The following AP3B1 variants were observed in gnomAD, a reference collection of about 807,000 sequenced individuals.
The protein encoded by AP3B1 is adaptor related protein complex 3 subunit beta 1.
A neutral mutation model predicts 132.5 loss-of-function variants in AP3B1; 61 were observed. That is an observed-to-expected ratio of 0.46 (90% CI 0.37 to 0.57). The LOEUF is 0.57. Ranked by LOEUF, AP3B1 falls within the 20% of genes least tolerant of loss-of-function variation. AP3B1 has a pLI of 0.00. For synonymous variants in AP3B1, 388 were observed against 438.3 expected, an observed-to-expected ratio of 0.89 and a Z score of 1.43; for missense variants, 1,120 against 1,289.4, an observed-to-expected ratio of 0.87 and a Z score of 2.01.
chr5:78,040,988 C>T (rs1748056040), intron 22 of AP3B1, among the ~76,000 whole-genome samples: 1 of 152,122 alleles, frequency 6.6e-6, no homozygotes. Context: ...ATAATCATCA[C>T]CTCTGGCCAG....
intron 17 of AP3B1, among the ~76,000 whole-genome samples, chr5:78,121,278 A>G (rs938061908): frequency 1.2e-4 from 19 of 152,190 alleles, no homozygotes; most frequent in African/African-American, 4.3e-4. Flanking sequence ...ATCACAATTA[A>G]AAGAACTAGA....
intron 16 of AP3B1, among the ~76,000 whole-genome samples, chr5:78,128,362 C>G (rs1752553775): frequency 1.3e-5 from 2 of 152,068 alleles, no homozygotes; most frequent in African/African-American, 4.8e-5. Context: ...AATAAAAAAG[C>G]TAATCAGTCA....
At chr5:78,281,978 C>T (rs960381598) in intron 1 of AP3B1, among the ~76,000 whole-genome samples, 1 of 152,116 alleles carries the variant, frequency 6.6e-6, no homozygotes, top group Non-Finnish European at 1.5e-5. Context: ...AGAGAAACTA[C>T]TCTAAAAGAA....
chr5:78,120,890 A>G (rs1167469932), intron 17 of AP3B1, among the ~76,000 whole-genome samples: 2 of 152,200 alleles, frequency 1.3e-5, no homozygotes, highest in East Asian at 1.9e-4. Flanking sequence ...CAGAATATAC[A>G]TTCTTCTCAG....
At chr5:78,118,710 G>C (rs1468205909) in intron 17 of AP3B1, among the ~76,000 whole-genome samples, 1 of 152,236 alleles carries the variant, frequency 6.6e-6, no homozygotes, top group African/African-American at 2.4e-5. Context: ...CACAGCTCAA[G>C]GAGGCCTGCC....
chr5:78,215,874 A>G (rs1450070010), intron 7 of AP3B1, among the ~76,000 whole-genome samples, 181 bp downstream of exon 7: 1 of 152,214 alleles, frequency 6.6e-6, no homozygotes, highest in Non-Finnish European at 1.5e-5. Context: ...TGCCAAAATA[A>G]TGGATAATTA....
rs941221094 is a variant in AP3B1, at chr5:78,294,668, C to T, written c.-89G>A. Reference sequence around the variant, plus strand: ...CAGAGGGCACGGAACAAAACTAGTTCTCGTACGGAGGAGCGCGCGCAGGCG... The same window carrying T: ...CAGAGGGCACGGAACAAAACTAGTTTTCGTACGGAGGAGCGCGCGCAGGCG... On this transcript the variant is annotated 5_prime_UTR_variant, in exon 1 of 27. Coordinates refer to ENST00000255194, the MANE Select transcript of AP3B1 (RefSeq NM_003664.5). The T allele has an allele frequency of 6.3e-7, 1 of 1,598,666 alleles. No homozygotes were observed. The highest frequency in any genetic ancestry group is 1.7e-5 in the Admixed American group (1 of 59,936).
chr5:78,080,623 ATTTTTTTTT>A (rs66609184), intron 22 of AP3B1, among the ~76,000 whole-genome samples: 30,393 of 104,500 alleles, frequency 0.29, 3,323 homozygotes, highest in Admixed American at 0.39. Context: ...TATGCCTCCA[ATTTTTTTTT>A]TTTTTTTTTT....
At chr5:78,263,875 T>C (rs1288657583) in intron 2 of AP3B1, among the ~76,000 whole-genome samples, 1 of 152,240 alleles carries the variant, frequency 6.6e-6, no homozygotes, top group Non-Finnish European at 1.5e-5. Context: ...ATAATCTTAT[T>C]GTAAGATTAT....
At chr5:78,284,109 T>A (rs1749171526) in intron 1 of AP3B1, among the ~76,000 whole-genome samples, 1 of 152,260 alleles carries the variant, frequency 6.6e-6, no homozygotes, top group African/African-American at 2.4e-5. Context: ...AATAATCACT[T>A]ATCTGCATTA....
chr5:78,087,900 A>G (rs191448896), intron 22 of AP3B1, among the ~76,000 whole-genome samples: 80 of 152,332 alleles, frequency 5.3e-4, no homozygotes, highest in African/African-American at 1.9e-3. Flanking sequence ...TCACTGTTCT[A>G]AGAGCTTTGC....
At chr5:78,194,286 A>G (rs1307299308) in intron 7 of AP3B1, among the ~76,000 whole-genome samples, 1 of 152,170 alleles carries the variant, frequency 6.6e-6, no homozygotes, top group African/African-American at 2.4e-5. Flanking sequence ...TAAAAGACAC[A>G]ATTTTAAAAG....
chr5:78,162,372 C>G (rs533410339), intron 13 of AP3B1, among the ~76,000 whole-genome samples: 51 of 152,168 alleles, frequency 3.4e-4, no homozygotes, highest in African/African-American at 1.2e-3. Context: ...AGGTGAATTT[C>G]TGAGGAAAAA....
In AP3B1 at chr5:78,113,759, C is replaced by T; in HGVS notation, c.2242G>A (p.Gly748Arg). The T allele has an allele frequency of 6.2e-7, 1 of 1,613,714 alleles. No homozygotes were observed. Among genetic ancestry groups the T allele is most frequent in the Non-Finnish European group, 8.5e-7 (1 of 1,179,978 alleles). Reference sequence around the variant, plus strand: ...TCTGACAAAATAAGTTACCTTTTTCCTTTGGCTTTTGAGTTCCTCTTGGCT... The same window carrying T: ...TCTGACAAAATAAGTTACCTTTTTCTTTTGGCTTTTGAGTTCCTCTTGGCT... ...RTAKRNSKAK[G>R]KSDSEDGEKE... is the part of the protein sequence containing the mutation. The change falls in exon 19 of 27, where the codon GGA becomes AGA. Residue 748 changes from glycine to arginine, a missense_variant. Physicochemically the swap from Gly to Arg is moderately radical, Grantham distance 125. Transcript: ENST00000255194.
chr5:78,135,508 A>AAG (rs1233892043), intron 15 of AP3B1, among the ~76,000 whole-genome samples: 3 of 151,984 alleles, frequency 2.0e-5, no homozygotes, highest in Admixed American at 2.0e-4. Flanking sequence ...GTGTGAACAG[A>AAG]AGCTTGAGGT....
At chr5:78,208,243 T>C (rs938102674) in intron 7 of AP3B1, among the ~76,000 whole-genome samples, 2 of 152,088 alleles carry the variant, frequency 1.3e-5, no homozygotes, top group African/African-American at 4.8e-5. Context: ...CAGGAACATA[T>C]CTCCTGGGAA....
At chr5:78,010,256 A>G (rs1236838908) in intron 26 of AP3B1, among the ~76,000 whole-genome samples, 1 of 152,196 alleles carries the variant, frequency 6.6e-6, no homozygotes, top group Non-Finnish European at 1.5e-5. Context: ...ATAGGAAAAA[A>G]TATTTTGAAA....
intron 22 of AP3B1, among the ~76,000 whole-genome samples, chr5:78,074,051 C>T (rs1749661253): frequency 6.6e-6 from 1 of 152,078 alleles, no homozygotes; most frequent in Non-Finnish European, 1.5e-5. Context: ...TACTAAAATA[C>T]TAACAACTAA....
chr5:78,115,377 G>A (rs1049777061), intron 18 of AP3B1, among the ~76,000 whole-genome samples: 10 of 152,130 alleles, frequency 6.6e-5, no homozygotes, highest in East Asian at 3.8e-4. Context: ...GTTGGGTGTC[G>A]TTTGGTCTTG....
Sources: allele counts gnomAD v4.1 joint callset (sites outside exome capture counted in the v4.1 genomes callset), GRCh38; gene constraint gnomAD v4.1.1; transcripts MANE v1.5; gene names NCBI Gene and HGNC (gene_info 2026-07-23, HGNC 2026-07-21).